ALOX12: variants seen among roughly 807,000 people sequenced by gnomAD.
The protein encoded by ALOX12 is arachidonate 12-lipoxygenase, 12S type.
ALOX12 carries 62 observed loss-of-function variants against 85.5 expected under a neutral mutation model. The observed-to-expected ratio is 0.73, with a 90% CI of 0.59 to 0.90. The LOEUF (loss-of-function observed/expected upper bound fraction) is 0.90. ALOX12 is among the 40% of genes least tolerant of loss of function. The pLI is 0.00. For synonymous variants in ALOX12, 299 were observed against 332.7 expected (o/e 0.90, Z 1.10); for missense variants, 751 against 856.5 (o/e 0.88, Z 1.54).
In ALOX12 at chr17:6,996,075, G is replaced by C. The variant is rs754422966; in HGVS notation, c.-43G>C. The stretch of plus-strand genomic sequence containing the variant: ...GCAGCCCTGGGCGGTCCCGGGAATC[G>C]CACAGGACCCGGCTCCCCTCGCCTA... On this transcript the variant is annotated 5_prime_UTR_variant, in exon 1 of 14. Coordinates refer to ENST00000251535, the MANE Select transcript of ALOX12 (RefSeq NM_000697.3). 1 of 1,240,644 alleles carries C rather than the reference G, an allele frequency of 8.1e-7. No homozygotes were observed. Among genetic ancestry groups the C allele is most frequent in the Non-Finnish European group, 1.0e-6 (1 of 986,978 alleles). 76.9% of individuals were successfully genotyped at this position (1,240,644 alleles called of 1,614,324 possible). A position where few individuals can be genotyped will look rare whatever the true frequency, so the allele number is the denominator to read the frequency against.
chr17:7,007,463 G>A (rs1050810765), intron 11 of ALOX12, among the ~76,000 whole-genome samples: 25 of 152,306 alleles, frequency 1.6e-4, no homozygotes, highest in African/African-American at 5.1e-4. Context: ...CTGGGAATGT[G>A]GCAAACCTCC....
At chr17:7,004,400 A>AT (rs929336030) in intron 8 of ALOX12, among the ~76,000 whole-genome samples, 6 of 141,772 alleles carry the variant, frequency 4.2e-5, no homozygotes, top group African/African-American at 1.0e-4. Flanking sequence ...ATATTAATTA[A>AT]TTTAATTTTA....
At position 6,999,023 on chromosome 17, in the gene ALOX12, C is replaced by T. The variant is rs1908582242; in HGVS notation, c.613C>T (p.Gln205Ter). 1 of 1,613,926 alleles carries T rather than the reference C, an allele frequency of 6.2e-7. No homozygotes were observed. Among genetic ancestry groups the T allele is most frequent in the African/African-American group, 1.3e-5 (1 of 74,908 alleles). ...CTGGAACTGCCTAGAAGACTTTGATCAGATCTTCTGGGGCCAGAAGAGTGC... is the reference window on the plus strand; with the variant it reads ...CTGGAACTGCCTAGAAGACTTTGATTAGATCTTCTGGGGCCAGAAGAGTGC... ...SSWNCLEDFD[Q>*]IFWGQKSALA... The change falls in exon 5 of 14, where the codon CAG becomes TAG. Residue 205 changes from glutamine to a stop codon, truncating the protein, a stop_gained. Coordinates refer to ENST00000251535, the MANE Select transcript of ALOX12 (RefSeq NM_000697.3). LOFTEE classifies it high-confidence loss of function.
intron 5 of ALOX12, 74 bp downstream of exon 5, chr17:6,999,130 C>A: frequency 4.6e-6 from 7 of 1,520,954 alleles, no homozygotes; most frequent in South Asian, 1.1e-5. Flanking sequence ...CACAGTCCCC[C>A]GTAACTCTTT....
Position 7,005,869 on chromosome 17 carries a change from A to T in ALOX12, c.1260A>T (p.Thr420=). ...DGGIFDKAVS[T]GGGGHVQLLR... is the part of the protein sequence containing the mutation. ...ATCTCCTGTCCCAGGCAGTGAGCAC[A>T]GGTGGAGGGGGCCATGTACAGTTGC... The change falls in exon 10 of 14, where the codon ACA becomes ACT. Residue 420 remains threonine (T), a synonymous_variant. Coordinates refer to ENST00000251535, the MANE Select transcript of ALOX12 (RefSeq NM_000697.3). 2.5e-6 allele frequency: 4 copies of T among 1,612,070 alleles called. No individual in the cohort carries two copies. The highest frequency in any genetic ancestry group is 3.4e-6 in the Non-Finnish European group (4 of 1,179,614).
At position 7,000,259 on chromosome 17, in the gene ALOX12, A is replaced by C; in HGVS notation, c.808-77A>C. 6.5e-7 allele frequency: 1 copy of C among 1,538,728 alleles called. No homozygotes were observed. The highest frequency in any genetic ancestry group is 8.9e-7 in the Non-Finnish European group (1 of 1,123,978). ...AGGAGAATGGCAAGAAGCTAGACTA[A>C]ATCTCTTGCCCTTTGCCCCGGCCCC... is the stretch of plus-strand genomic sequence containing the variant. On this transcript the variant is annotated intron_variant, in intron 6 of 13. Coordinates refer to ENST00000251535, the MANE Select transcript of ALOX12 (RefSeq NM_000697.3). The surrounding 1 kb of genome is among the most constrained non-coding windows in gnomAD (Gnocchi z 4.6).
At chr17:7,006,659 G>A (rs199830239) in intron 11 of ALOX12, 52 bp downstream of exon 11, 120 of 1,520,244 alleles carry the variant, frequency 7.9e-5, no homozygotes, top group Non-Finnish European at 3.0e-5. Flanking sequence ...CTGCCAGGGC[G>A]CCTTCCCAGC....
intron 1 of ALOX12, among the ~76,000 whole-genome samples, chr17:6,996,521 TGTAA>T (rs1908446124): frequency 6.6e-6 from 1 of 151,558 alleles, no homozygotes; most frequent in Admixed American, 6.6e-5. Context: ...CCAGAGCCAA[TGTAA>T]GTATGAGGCC....
At chr17:7,007,251 C>T (rs1909133944) in intron 11 of ALOX12, among the ~76,000 whole-genome samples, 1 of 152,224 alleles carries the variant, frequency 6.6e-6, no homozygotes, top group East Asian at 1.9e-4. Context: ...CTTTAGTCAA[C>T]TCTCACTCCC....
rs1908414857 is a variant in ALOX12 at position 6,996,112 on chromosome 17, G to A, written c.-6G>A. ...GCTCCCCTCGCCTAAGCTGCTGGGG[G>A]GCGCCATGGGCCGCTACCGCATCCG... is the stretch of plus-strand genomic sequence containing the variant. On this transcript the variant is annotated 5_prime_UTR_variant, in exon 1 of 14. Coordinates refer to ENST00000251535, the MANE Select transcript of ALOX12 (RefSeq NM_000697.3). 8.0e-7 allele frequency: 1 copy of A among 1,248,262 alleles called. No homozygotes were observed. Among genetic ancestry groups the A allele is most frequent in the Non-Finnish European group, 1.0e-6 (1 of 989,590 alleles). The allele number at this position is 1,248,262 out of a possible 1,614,324, so 77.3% of individuals were successfully genotyped here.
At position 6,996,897 on chromosome 17, in the gene ALOX12, C is replaced by A. The variant is rs199823896; in HGVS notation, c.207C>A (p.His69Gln). 1.4e-4 allele frequency: 230 copies of A among 1,613,862 alleles called. No individual in the cohort carries two copies. The highest frequency in any genetic ancestry group is 1.9e-4 in the Non-Finnish European group (224 of 1,179,908). Residue 69 changes from histidine (H) to glutamine (Q), a missense_variant, in exon 2 of 14, where the codon CAC becomes CAA. His to Gln is a conservative substitution (Grantham distance 24, BLOSUM62 0). Transcript: ENST00000251535. ...AGTTCGTGAGGCTGCGCAAGCACCACTGGCTGGTGGACGACGCGTGGTTCT... is the reference window on the plus strand; with the variant it reads ...AGTTCGTGAGGCTGCGCAAGCACCAATGGCTGGTGGACGACGCGTGGTTCT... Reference protein sequence around the residue: ...LLQFVRLRKHHWLVDDAWFCD... With the variant: ...LLQFVRLRKHQWLVDDAWFCD...
rs201453162 is a variant in ALOX12, at chr17:7,005,963, C to T, written c.1354C>T (p.Leu452=). The T allele has an allele frequency of 1.6e-5, 26 of 1,611,076 alleles. No homozygotes were observed. In the African/African-American group the frequency reaches 2.8e-4, roughly 18 times the overall value. The change falls in exon 10 of 14, where the codon CTG becomes TTG. Residue 452 remains leucine (L), a synonymous_variant. Transcript: ENST00000251535. ...TCCTGACGACCTGGCTGACCGGGGC[C>T]TGCTGGGACTCCCAGGTGCTCTCTA... ...CPPDDLADRG[L]LGLPGALYAH... is the part of the protein sequence containing the mutation.
chr17:7,006,051 TGGTGGGGCCGGGGGGG>T, intron 10 of ALOX12, 24 bp downstream of exon 10: 1 of 12,074 alleles, frequency 8.3e-5, no homozygotes, highest in Non-Finnish European at 1.2e-4. Context: ...AGCTGAGAAA[TGGTGGGGCCGGGGGGG>T]GGGGGGGCTC....
chr17:7,005,229 T>G (rs769080140), intron 8 of ALOX12, 28 bp from the exon 9 acceptor site: 1 of 1,595,906 alleles, frequency 6.3e-7, no homozygotes, highest in South Asian at 1.1e-5. Flanking sequence ...CCTCCACCAG[T>G]CACGCCCTCC....
chr17:6,997,280 G>A (rs930801741), intron 2 of ALOX12, among the ~76,000 whole-genome samples: 4 of 152,126 alleles, frequency 2.6e-5, no homozygotes, highest in East Asian at 1.9e-4. Flanking sequence ...CATCTTCCAA[G>A]AAGGCAAAGA....
chr17:7,001,415 C>T (rs549084465), intron 7 of ALOX12, 187 bp from the exon 8 acceptor site: 135 of 631,070 alleles, frequency 2.1e-4, no homozygotes, highest in Non-Finnish European at 3.2e-4. Flanking sequence ...TCCAGTCCCT[C>T]CTGCCTTCCA....
intron 2 of ALOX12, among the ~76,000 whole-genome samples, chr17:6,997,564 T>TA (rs1908509144): frequency 6.7e-6 from 1 of 150,018 alleles, no homozygotes; most frequent in Admixed American, 6.6e-5. Context: ...AATTTTTTTT[T>TA]TTTTTTTTTT....
chr17:6,999,277 A>T, intron 5 of ALOX12, 29 bp from the exon 6 acceptor site: 1 of 1,613,976 alleles, frequency 6.2e-7, no homozygotes, highest in Non-Finnish European at 8.5e-7. Context: ...GCTGTGGTAC[A>T]TATATCCTCC....
rs761657767 is a variant in ALOX12, at chr17:6,997,153, G to A, written c.337+126G>A. ...ATGGGCCCAGGGCAGGTGAAATGTA[G>A]GGATCCCAGGGTGCTGGACAGAAAA... On this transcript the variant is annotated intron_variant, in intron 2 of 13. Transcript: ENST00000251535. 4.4e-5 allele frequency: 63 copies of A among 1,420,708 alleles called. No homozygotes were observed. In the Admixed American group the frequency reaches 1.7e-3, roughly 38 times the overall value. The allele number at this position is 1,420,708 out of a possible 1,614,324, so 88.0% of individuals were successfully genotyped here.
Sources: gnomAD v4.1 joint callset for allele counts (sites outside exome capture counted in the v4.1 genomes callset) on GRCh38, gnomAD v4.1.1 for gene constraint, Gnocchi (gnomAD v3.1) non-coding constraint, MANE v1.5 for transcripts, NCBI Gene and HGNC (gene_info 2026-07-23, HGNC 2026-07-21) for gene names.